FHOD1: variants seen among roughly 807,000 people sequenced by gnomAD.
FHOD1 encodes the protein FH1/FH2 domain-containing protein 1.
Under a neutral mutation model 111.6 loss-of-function variants are expected in FHOD1, and 89 were observed. The ratio of observed to expected loss-of-function variants is 0.80; its 90% CI spans 0.67 to 0.95. The LOEUF (loss-of-function observed/expected upper bound fraction) is 0.95, where lower values mean the gene tolerates loss of function less well. Ranked by LOEUF, FHOD1 falls within the 40% of genes least tolerant of loss-of-function variation. The pLI is 0.00. For missense variants in FHOD1, 1,446 were observed against 1,554.2 expected, an observed-to-expected ratio of 0.93 and a Z score of 1.17; for synonymous variants, 618 against 639.0, an observed-to-expected ratio of 0.97 and a Z score of 0.50.
rs2034252081 is a variant in FHOD1, at chr16:67,231,155, G to C, written c.2667+33C>G. On this transcript the variant is annotated intron_variant, in intron 17 of 21. Transcript: ENST00000258201. The surrounding 1 kb of genome is among the most constrained non-coding windows in gnomAD (Gnocchi z 4.3). ...CAGGAAGCAGCGCTCCTCATGCCTT[G>C]TCCGGCCTTGGTTGATTCTGGCAGG... 2 of 1,611,306 alleles carry C rather than the reference G, an allele frequency of 1.2e-6. No homozygotes were observed. Among genetic ancestry groups the C allele is most frequent in the Non-Finnish European group, 1.7e-6 (2 of 1,178,324 alleles).
rs773046132 is a variant in FHOD1 at position 67,237,523 on chromosome 16, ATTC to A, written c.798_800del (p.Lys266del). Reference sequence around the variant, plus strand: ...ACACCAACAACTCAGGGTCAGCGCCATTCTTCTCCTCCAGGATGGACACCAGAT... The same window carrying A: ...ACACCAACAACTCAGGGTCAGCGCCATTCTCCTCCAGGATGGACACCAGAT... On this transcript the variant is annotated inframe_deletion, in exon 8 of 22. Transcript: ENST00000258201. This position sits in a 1 kb window ranked among gnomAD's most constrained non-coding sequence, Gnocchi z 5.6. The A allele has an allele frequency of 2.5e-6, 4 of 1,614,050 alleles. No individual in the cohort carries two copies. The highest frequency in any genetic ancestry group is 1.3e-5 in the African/African-American group (1 of 74,902).
Position 67,237,012 on chromosome 16 carries a change from G to A in FHOD1, c.1096C>T (p.Arg366Cys), listed in dbSNP as rs1410298332. Residue 366 changes from arginine to cysteine, a missense_variant, in exon 10 of 22, where the codon CGT (arginine) becomes TGT (cysteine). Arg to Cys is a radical substitution (Grantham distance 180). Transcript: ENST00000258201. The surrounding 1 kb of genome is among the most constrained non-coding windows in gnomAD (Gnocchi z 5.6). Reference protein sequence around the residue: ...PSSEEGKRSRRSLEGGGCPAR... With the variant: ...PSSEEGKRSRCSLEGGGCPAR... ...GGGCAGCCCCCGCCTTCCAGAGAAC[G>A]GCGGCTCCTCTTGCCCTCCTCAGAA... 1 of 1,610,764 alleles carries A rather than the reference G, an allele frequency of 6.2e-7. No individual in the cohort carries two copies. Among genetic ancestry groups the A allele is most frequent in the Non-Finnish European group, 8.5e-7 (1 of 1,178,680 alleles).
At chr16:67,232,236 G>T in intron 13 of FHOD1, 42 bp from the exon 14 acceptor site, 5 of 1,606,012 alleles carry the variant, frequency 3.1e-6, no homozygotes, top group Non-Finnish European at 4.3e-6. Context: ...TGAGGAAGGG[G>T]GCCTGACGCG....
rs758949262 is a variant in FHOD1, at chr16:67,237,781, G to A, written c.643-13C>T. The A allele has an allele frequency of 1.2e-6, 2 of 1,609,364 alleles. No homozygotes were observed. The highest frequency in any genetic ancestry group is 1.7e-6 in the Non-Finnish European group (2 of 1,175,724). On this transcript the variant is annotated splice_polypyrimidine_tract_variant and intron_variant, in intron 6 of 21. Transcript: ENST00000258201. This position sits in a 1 kb window ranked among gnomAD's most constrained non-coding sequence, Gnocchi z 5.6. ...CCACCAAGCGGGACTGAGGAGAGAG[G>A]TCAGTACATATGAGTGGGGCTTAGG...
In FHOD1 at chr16:67,230,665, A is replaced by T; in HGVS notation, c.2794T>A (p.Phe932Ile). 6.2e-7 allele frequency: 1 copy of T among 1,614,046 alleles called. No individual in the cohort carries two copies. The highest frequency in any genetic ancestry group is 1.1e-5 in the South Asian group (1 of 91,088). ...ACACGGCGGGCACACTGGTCCAGGA[A>T]GTGGGTGAGGCGGGCACGCAGGGCT... ...APALRARLTH[F>I]LDQCARRVAM... The change falls in exon 18 of 22, where the codon TTC becomes ATC. Residue 932 changes from phenylalanine (F) to isoleucine (I), a missense_variant. Physicochemically the swap from Phe to Ile is conservative, Grantham distance 21. Transcript: ENST00000258201.
intron 1 of FHOD1, among the ~76,000 whole-genome samples, chr16:67,245,585 A>G (rs551579314): frequency 9.9e-5 from 15 of 152,218 alleles, no homozygotes; most frequent in Admixed American, 9.8e-4. Flanking sequence ...TCCCTACTAA[A>G]AATACAAAAA....
intron 10 of FHOD1, 72 bp from the exon 11 acceptor site, chr16:67,236,805 T>TGCGGGGCGGGAG: frequency 9.2e-6 from 1 of 109,004 alleles, no homozygotes; most frequent in Non-Finnish European, 1.3e-5. Flanking sequence ...GGGTGGGGCC[T>TGCGGGGCGGGAG]GCGGGGCGGG....
chr16:67,239,848 A>G (rs1482163394), intron 1 of FHOD1, among the ~76,000 whole-genome samples: 1 of 152,168 alleles, frequency 6.6e-6, no homozygotes, highest in African/African-American at 2.4e-5. Flanking sequence ...TGCTGTATCT[A>G]TAGAGCCTGG....
chr16:67,240,662 G>A (rs896808105), intron 1 of FHOD1, among the ~76,000 whole-genome samples: 2 of 152,182 alleles, frequency 1.3e-5, no homozygotes, highest in African/African-American at 4.8e-5. Flanking sequence ...CTCCTCCCCC[G>A]CCACAAGGCA....
Position 67,238,567 on chromosome 16 carries a change from CA to C in FHOD1, c.374-121del. Reference sequence around the variant, plus strand: ...AATATATATGTTTTGGTCTGAGAGACAGGGTCTCACTCTGTCACTCAGGCTG... The same window carrying C: ...AATATATATGTTTTGGTCTGAGAGACGGGTCTCACTCTGTCACTCAGGCTG... On this transcript the variant is annotated intron_variant, in intron 3 of 21. Coordinates refer to ENST00000258201, the MANE Select transcript of FHOD1 (RefSeq NM_013241.3). This position sits in a 1 kb window ranked among gnomAD's most constrained non-coding sequence, Gnocchi z 4.2. The C allele has an allele frequency of 1.0e-6, 1 of 988,614 alleles. No individual in the cohort carries two copies. The highest frequency in any genetic ancestry group is 1.6e-6 in the Non-Finnish European group (1 of 641,380). The allele number at this position is 988,614 out of a possible 1,614,324, so 61.2% of individuals were successfully genotyped here. A position where few individuals can be genotyped will look rare whatever the true frequency, so the allele number is the denominator to read the frequency against.
At chr16:67,235,800 T>C (rs1011267618) in intron 11 of FHOD1, among the ~76,000 whole-genome samples, 2 of 152,206 alleles carry the variant, frequency 1.3e-5, no homozygotes, top group Admixed American at 1.3e-4. Flanking sequence ...CTCTGGCTGC[T>C]AAGGTGTTGC....
chr16:67,230,589 C>T lies in FHOD1; in HGVS notation c.2858+12G>A, dbSNP rs754058792. On this transcript the variant is annotated intron_variant, in intron 18 of 21. Transcript: ENST00000258201. ...GGTGGCCGTCCTGCCTCTCTTGGGT[C>T]CATGCCCCTACCTATTGCAGACACG... 1.9e-6 allele frequency: 3 copies of T among 1,614,032 alleles called. No homozygotes were observed. The highest frequency in any genetic ancestry group is 2.5e-6 in the Non-Finnish European group (3 of 1,179,914).
At chr16:67,236,346 CA>C (rs2034474185) in intron 11 of FHOD1, 1 of 1,418,170 alleles carries the variant, frequency 7.1e-7, no homozygotes, top group Non-Finnish European at 9.2e-7. Context: ...TCGGAGGAGA[CA>C]AAGGAAACCA....
At position 67,233,699 on chromosome 16, in the gene FHOD1, T is replaced by C; in HGVS notation, c.2004A>G (p.Glu668=). ...DPVSVDTARL[E]HLFESRAKEV... The stretch of plus-strand genomic sequence containing the variant: ...CTTTGGCACGAGACTCAAAGAGGTG[T>C]TCCAGTCGGGCCGTGTCCACTGAGA... The change falls in exon 13 of 22, where the codon GAA becomes GAG. Residue 668 remains glutamate, a synonymous_variant. Coordinates refer to ENST00000258201, the MANE Select transcript of FHOD1 (RefSeq NM_013241.3). 6.2e-7 allele frequency: 1 copy of C among 1,608,302 alleles called. No individual in the cohort carries two copies. Among genetic ancestry groups the C allele is most frequent in the East Asian group, 2.2e-5 (1 of 44,654 alleles).
chr16:67,230,782 CA>C lies in FHOD1; in HGVS notation c.2676del (p.Phe892LeufsTer4). On this transcript the variant is annotated frameshift_variant, in exon 18 of 22. Coordinates refer to ENST00000258201, the MANE Select transcript of FHOD1 (RefSeq NM_013241.3). LOFTEE classifies it high-confidence loss of function. ...PALTRCAKVD[F>X]EQLTENLGQL... is the part of the protein sequence containing the mutation. ...TGCCCCAGGTTCTCAGTCAGCTGTT[CA>C]AAGTCCACCTGAGAAAGCAAGGGGG... is the stretch of plus-strand genomic sequence containing the variant. 6.3e-7 allele frequency: 1 copy of C among 1,594,578 alleles called. No individual in the cohort carries two copies.
At chr16:67,236,077 G>A in intron 11 of FHOD1, 1 of 966,322 alleles carries the variant, frequency 1.0e-6, no homozygotes, top group Non-Finnish European at 1.2e-6. Flanking sequence ...GCCCTGGGTA[G>A]GGGGGATGAG....
chr16:67,234,618 C>G, intron 11 of FHOD1, 146 bp from the exon 12 acceptor site: 1 of 654,158 alleles, frequency 1.5e-6, no homozygotes, highest in Non-Finnish European at 2.7e-6. Context: ...ACCAGAACCA[C>G]ACCCCCCCCA....
At position 67,234,152 on chromosome 16, in the gene FHOD1, C is replaced by A; in HGVS notation, c.1551G>T (p.Glu517Asp). The change falls in exon 13 of 22, where the codon GAG becomes GAT. Residue 517 changes from glutamate to aspartate, a missense_variant. Around this residue, in one of 3 missense-constraint regions of FHOD1, gnomAD observed 1,085 missense variants for 1,108.8 expected, o/e 0.98. Coordinates refer to ENST00000258201, the MANE Select transcript of FHOD1 (RefSeq NM_013241.3). The stretch of plus-strand genomic sequence containing the variant: ...CCTTGGGGCTTGCTGGTATCAGTGG[C>A]TCCTTGGGCTCTGGTGCAAGGCTTC... ...AQRSLAPEPK[E>D]PLIPASPKAE... 1 of 1,560,844 alleles carries A rather than the reference C, an allele frequency of 6.4e-7. No individual in the cohort carries two copies. Among genetic ancestry groups the A allele is most frequent in the Non-Finnish European group, 8.7e-7 (1 of 1,151,214 alleles).
rs1481417326 is a variant in FHOD1 at position 67,237,442 on chromosome 16, A to G, written c.849+33T>C. On this transcript the variant is annotated intron_variant, in intron 8 of 21. Coordinates refer to ENST00000258201, the MANE Select transcript of FHOD1 (RefSeq NM_013241.3). The surrounding 1 kb of genome is among the most constrained non-coding windows in gnomAD (Gnocchi z 5.6). ...TGGTGGGGAGGTCAGGAGCCTGAGCATCCCAGAGCTGGCACCCAGTCCTTG... is the reference window on the plus strand; with the variant it reads ...TGGTGGGGAGGTCAGGAGCCTGAGCGTCCCAGAGCTGGCACCCAGTCCTTG... 1 of 1,614,018 alleles carries G rather than the reference A, an allele frequency of 6.2e-7. No homozygotes were observed. Among genetic ancestry groups the G allele is most frequent in the East Asian group, 2.2e-5 (1 of 44,870 alleles).
Sources: allele counts gnomAD v4.1 joint callset (sites outside exome capture counted in the v4.1 genomes callset), GRCh38; gene constraint gnomAD v4.1.1; regional missense constraint gnomAD v4.1.1; non-coding constraint Gnocchi (gnomAD v3.1); transcripts MANE v1.5; gene names NCBI Gene and HGNC (gene_info 2026-07-23, HGNC 2026-07-21).